The following TMEM232 variants were observed in gnomAD, a reference collection of about 807,000 sequenced individuals.
The protein encoded by TMEM232 is transmembrane protein 232.
In TMEM232, 80 loss-of-function variants were observed where a neutral mutation model predicts 78.8. The ratio of observed to expected loss-of-function variants is 1.01; its 90% CI spans 0.85 to 1.22. TMEM232 has a LOEUF of 1.22. Among genes scored for constraint, TMEM232 ranks in the 50% most tolerant of loss-of-function variants. The probability of loss-of-function intolerance (pLI) is 0.00; values close to 1 mark genes in which losing one functional copy is unlikely to be tolerated. For missense variants in TMEM232, 881 were observed against 742.2 expected (o/e 1.19, Z -2.17); for synonymous variants, 297 against 254.3 (o/e 1.17, Z -1.60).
At chr5:110,468,192 T>C (rs962129414) in intron 12 of TMEM232, among the ~76,000 whole-genome samples, 7 of 151,822 alleles carry the variant, frequency 4.6e-5, no homozygotes, top group African/African-American at 1.7e-4. Context: ...GAACCCAGAA[T>C]ACAATGAAAT....
At chr5:110,681,571 T>C (rs1188330071) in intron 1 of TMEM232, among the ~76,000 whole-genome samples, 1 of 152,230 alleles carries the variant, frequency 6.6e-6, no homozygotes, top group Non-Finnish European at 1.5e-5. Context: ...AGATTAAATA[T>C]CTATCTTCAT....
chr5:110,524,197 G>A (rs1214858607), intron 12 of TMEM232, among the ~76,000 whole-genome samples: 1 of 149,302 alleles, frequency 6.7e-6, no homozygotes, highest in Non-Finnish European at 1.5e-5. Context: ...AGGAGGTGGA[G>A]GTTGCAGTAA....
chr5:110,559,266 T>C (rs959251052), intron 11 of TMEM232, among the ~76,000 whole-genome samples: 8 of 152,208 alleles, frequency 5.3e-5, no homozygotes, highest in African/African-American at 1.9e-4. Flanking sequence ...AAGATATCTT[T>C]CTGACCATGG....
chr5:110,692,298 T>C lies in TMEM232; in HGVS notation c.-12-24934A>G, dbSNP rs189418639. 7.9e-5 allele frequency among the ~76,000 whole-genome samples: 12 copies of C among 152,280 alleles called. No individual in the cohort carries two copies. In the East Asian group the frequency reaches 2.3e-3, roughly 29 times the overall value. ...AACTTGGATCAGAATAAAATTAACTTAAAATTTCTTTAAGGTGAGGGTGGA... is the reference window on the plus strand; with the variant it reads ...AACTTGGATCAGAATAAAATTAACTCAAAATTTCTTTAAGGTGAGGGTGGA... On this transcript the variant is annotated intron_variant, in intron 1 of 13. Transcript: ENST00000455884.
intron 1 of TMEM232, among the ~76,000 whole-genome samples, chr5:110,717,136 C>T (rs1160048080): frequency 6.6e-6 from 1 of 152,068 alleles, no homozygotes; most frequent in Non-Finnish European, 1.5e-5. Flanking sequence ...TTTATATCCT[C>T]TCCTGGTCCT....
intron 1 of TMEM232, among the ~76,000 whole-genome samples, chr5:110,709,049 C>T (rs554248040): frequency 1.8e-4 from 27 of 151,984 alleles, no homozygotes; most frequent in African/African-American, 5.3e-4. Flanking sequence ...AGATATTCCA[C>T]GTGAATGAAA....
intron 10 of TMEM232, among the ~76,000 whole-genome samples, chr5:110,595,227 A>G (rs1350120562): frequency 2.0e-5 from 3 of 152,206 alleles, no homozygotes; most frequent in Non-Finnish European, 4.4e-5. Context: ...AATAACATCA[A>G]TATCAACTAA....
chr5:110,615,629 C>A (rs1782828658), intron 8 of TMEM232, among the ~76,000 whole-genome samples: 1 of 151,760 alleles, frequency 6.6e-6, no homozygotes, highest in Non-Finnish European at 1.5e-5. Flanking sequence ...AAAGGCCTAG[C>A]CAGAGCAATT....
At chr5:110,701,028 T>C (rs112352728) in intron 1 of TMEM232, among the ~76,000 whole-genome samples, 2,233 of 152,016 alleles carry the variant, frequency 0.015, 54 homozygotes, top group African/African-American at 0.051. Context: ...ATTCTTTCCT[T>C]TTGGTGCCTT....
chr5:110,473,530 A>G (rs935200727), intron 12 of TMEM232, among the ~76,000 whole-genome samples: 1 of 151,824 alleles, frequency 6.6e-6, no homozygotes, highest in African/African-American at 2.4e-5. Context: ...AGGTTTCTAA[A>G]ATATTGAAAA....
chr5:110,480,994 A>C (rs991265703), intron 12 of TMEM232, among the ~76,000 whole-genome samples: 10 of 152,066 alleles, frequency 6.6e-5, no homozygotes, highest in African/African-American at 1.4e-4. Flanking sequence ...GTATCTAGTT[A>C]ATAGGCTTGG....
chr5:110,565,374 G>A (rs1303879483), intron 11 of TMEM232, among the ~76,000 whole-genome samples: 1 of 151,844 alleles, frequency 6.6e-6, no homozygotes, highest in Non-Finnish European at 1.5e-5. Flanking sequence ...GTAAAAATAT[G>A]CCCAAGGTCA....
chr5:110,492,142 A>G (rs905448326), intron 12 of TMEM232, among the ~76,000 whole-genome samples: 2 of 151,958 alleles, frequency 1.3e-5, no homozygotes, highest in South Asian at 4.1e-4. Context: ...AACATGGCAC[A>G]TGTATACACA....
downstream of TMEM232, among the ~76,000 whole-genome samples, chr5:110,416,711 G>T (rs540576337): frequency 4.0e-4 from 61 of 152,266 alleles, no homozygotes; most frequent in Non-Finnish European, 7.4e-4. Flanking sequence ...AGAAACAAAA[G>T]AATCAATTAC....
intron 10 of TMEM232, among the ~76,000 whole-genome samples, chr5:110,573,465 A>T (rs1258920181): frequency 6.6e-6 from 1 of 152,084 alleles, no homozygotes. Context: ...GACAAGAACC[A>T]GTCAGCCAGC....
At chr5:110,607,373 A>C (rs188974987) in intron 8 of TMEM232, among the ~76,000 whole-genome samples, 132 of 151,974 alleles carry the variant, frequency 8.7e-4, no homozygotes, top group Non-Finnish European at 9.9e-4. Flanking sequence ...TGCTTTTCTA[A>C]ACCATTACAT....
chr5:110,538,084 T>C (rs1432778950), intron 11 of TMEM232, among the ~76,000 whole-genome samples: 1 of 152,154 alleles, frequency 6.6e-6, no homozygotes, highest in African/African-American at 2.4e-5. Flanking sequence ...GAGGCTTTCC[T>C]TGGAGGAATG....
At chr5:110,728,867 C>A (rs1199047654), upstream of TMEM232, among the ~76,000 whole-genome samples, 9 of 120,046 alleles carry the variant, frequency 7.5e-5, no homozygotes, top group East Asian at 1.4e-3. Flanking sequence ...TTTTTTTTTA[C>A]CAGTCTTTTT....
intron 1 of TMEM232, among the ~76,000 whole-genome samples, chr5:110,690,415 C>G (rs993540164): frequency 6.6e-6 from 1 of 152,100 alleles, no homozygotes; most frequent in Admixed American, 6.6e-5. Flanking sequence ...AAATCAAAAC[C>G]ACAATGAGAT....
Sources: gnomAD v4.1 joint callset for allele counts (sites outside exome capture counted in the v4.1 genomes callset) on GRCh38, gnomAD v4.1.1 for gene constraint, MANE v1.5 for transcripts, NCBI Gene and HGNC (gene_info 2026-07-23, HGNC 2026-07-21) for gene names.